Variants in ATP8B1 observed in about 807,000 individuals in gnomAD.
ATP8B1 encodes the protein ATPase phospholipid transporting 8B1.
Under a neutral mutation model 149.9 loss-of-function variants are expected in ATP8B1, and 80 were observed. The ratio of observed to expected loss-of-function variants is 0.53; its 90% CI spans 0.45 to 0.64. ATP8B1 has a LOEUF of 0.64. Among genes scored for constraint, ATP8B1 ranks in the 30% least tolerant of loss-of-function variants. ATP8B1 has a pLI of 0.00. For missense variants in ATP8B1, 1,247 were observed against 1,552.6 expected (o/e 0.80, Z 3.31); for synonymous variants, 536 against 562.8 (o/e 0.95, Z 0.67).
At chr18:57,728,822 C>T (rs979739057) in intron 2 of ATP8B1, among the ~76,000 whole-genome samples, 1 of 150,284 alleles carries the variant, frequency 6.7e-6, no homozygotes, top group African/African-American at 2.5e-5. Flanking sequence ...CAGGTTCAAG[C>T]GATTCTCCTG....
At chr18:57,675,995 T>TGCACCTGG (rs756344864) in intron 15 of ATP8B1, among the ~76,000 whole-genome samples, 35 of 152,286 alleles carry the variant, frequency 2.3e-4, no homozygotes, top group Non-Finnish European at 4.0e-4. Flanking sequence ...CATGAGCCAC[T>TGCACCTGG]GCCCCTGGGC....
At chr18:57,775,642 GTTTTTTTTT>G (rs35786009) in intron 1 of ATP8B1, among the ~76,000 whole-genome samples, 1 of 95,024 alleles carries the variant, frequency 1.1e-5, no homozygotes, top group African/African-American at 3.9e-5. Context: ...AACTGGCCAT[GTTTTTTTTT>G]TTTTTTTTTT....
chr18:57,765,048 T>C lies in ATP8B1; in HGVS notation c.-25-33216A>G, dbSNP rs77040341. 6.8e-3 allele frequency among the ~76,000 whole-genome samples: 1,037 copies of C among 152,338 alleles called. 7 individuals are homozygous for C. The highest frequency in any genetic ancestry group is 0.021 in the African/African-American group (886 of 41,570). On this transcript the variant is annotated intron_variant, in intron 1 of 27. Coordinates refer to ENST00000648908, the MANE Select transcript of ATP8B1 (RefSeq NM_001374385.1). ...AAAGAGGTAGAAACAATCCAAATGCTATCTGATAACTGGATACACAAAATG... is the reference window on the plus strand; with the variant it reads ...AAAGAGGTAGAAACAATCCAAATGCCATCTGATAACTGGATACACAAAATG...
intron 1 of ATP8B1, among the ~76,000 whole-genome samples, chr18:57,761,907 G>A (rs1002992900): frequency 5.1e-5 from 7 of 137,670 alleles, no homozygotes; most frequent in African/African-American, 1.1e-4. Context: ...CCGAGATTGC[G>A]CCACTGCACT....
In ATP8B1 at chr18:57,688,506, C is replaced by T. The variant is rs776511349; in HGVS notation, c.1222G>A (p.Val408Met). Residue 408 changes from valine to methionine, a missense_variant and splice_region_variant, in exon 13 of 28, where the codon GTG (valine) becomes ATG (methionine). Around this residue, in one of 3 missense-constraint regions of ATP8B1, gnomAD observed 853 missense variants for 1,035.7 expected, o/e 0.82. Transcript: ENST00000648908. ...CTCTGTCCAAGACGAATCACTTCCACGCTAGGAAGACAGAAGATTATTTTC... is the reference window on the plus strand; with the variant it reads ...CTCTGTCCAAGACGAATCACTTCCATGCTAGGAAGACAGAAGATTATTTTC... Reference protein sequence around the residue: ...TMVPISLYVSVEVIRLGQSHF... With the variant: ...TMVPISLYVSMEVIRLGQSHF... 9.3e-6 allele frequency: 15 copies of T among 1,613,926 alleles called. No homozygotes were observed. The highest frequency in any genetic ancestry group is 2.2e-5 in the East Asian group (1 of 44,894).
At chr18:57,679,738 C>T (rs567448444) in intron 15 of ATP8B1, among the ~76,000 whole-genome samples, 1 of 152,248 alleles carries the variant, frequency 6.6e-6, no homozygotes, top group East Asian at 1.9e-4. Flanking sequence ...AATCTCGGCT[C>T]ACAGCAACCT....
chr18:57,654,097 T>A (rs1377160727), intron 23 of ATP8B1, 22 bp from the exon 24 acceptor site: 1 of 1,589,602 alleles, frequency 6.3e-7, no homozygotes, highest in Admixed American at 1.7e-5. Flanking sequence ...TGACAGAGGC[T>A]CCATGTCACC....
intron 1 of ATP8B1, chr18:57,732,109 GTATATA>G: frequency 1.0e-5 from 1 of 98,616 alleles, no homozygotes; most frequent in East Asian, 2.5e-4. Context: ...ATATATATAT[GTATATA>G]TGTATATATA....
At chr18:57,665,047 C>T (rs1910769345) in intron 20 of ATP8B1, among the ~76,000 whole-genome samples, 1 of 151,986 alleles carries the variant, frequency 6.6e-6, no homozygotes, top group South Asian at 2.1e-4. Context: ...GCCAGGAGCA[C>T]TTCTCTGCAG....
At chr18:57,744,307 C>CAAAAAAAAAA (rs10680324) in intron 1 of ATP8B1, among the ~76,000 whole-genome samples, 1 of 97,882 alleles carries the variant, frequency 1.0e-5, no homozygotes, top group Non-Finnish European at 1.9e-5. Flanking sequence ...GAGACTGTCT[C>CAAAAAAAAAA]AAAAAAAAAA....
At chr18:57,758,368 C>G (rs193038542) in intron 1 of ATP8B1, among the ~76,000 whole-genome samples, 1 of 151,988 alleles carries the variant, frequency 6.6e-6, no homozygotes, top group Non-Finnish European at 1.5e-5. Flanking sequence ...AGGCCAGGCG[C>G]GGTGCCTCAC....
In ATP8B1 at chr18:57,704,601, A is replaced by C; in HGVS notation, c.347T>G (p.Phe116Cys). The stretch of plus-strand genomic sequence containing the variant: ...GAAATATAAATTGGCTGCTCTCTTA[A>C]ACTGCTCAAACAGATTCATTGGTAT... ...TFIPMNLFEQ[F>C]KRAANLYFLA... The change falls in exon 4 of 28, where the codon TTT (phenylalanine) becomes TGT (cysteine). Residue 116 changes from phenylalanine (F) to cysteine (C), a missense_variant. Transcript: ENST00000648908. 1 of 1,612,018 alleles carries C rather than the reference A, an allele frequency of 6.2e-7. No homozygotes were observed. Among genetic ancestry groups the C allele is most frequent in the Non-Finnish European group, 8.5e-7 (1 of 1,178,056 alleles).
At chr18:57,691,439 G>GAAAA (rs1912522696) in intron 12 of ATP8B1, among the ~76,000 whole-genome samples, 1 of 152,154 alleles carries the variant, frequency 6.6e-6, no homozygotes, top group Non-Finnish European at 1.5e-5. Context: ...TTCCAAAAGG[G>GAAAA]AAAACTAAGT....
At chr18:57,676,545 C>G (rs538174471) in intron 15 of ATP8B1, among the ~76,000 whole-genome samples, 29 of 151,420 alleles carry the variant, frequency 1.9e-4, no homozygotes, top group African/African-American at 6.8e-4. Context: ...CAGTGAAACT[C>G]TGTCTCTACT....
chr18:57,730,801 A>G (rs1437002460), intron 2 of ATP8B1, among the ~76,000 whole-genome samples: 3 of 8,568 alleles, frequency 3.5e-4, no homozygotes, highest in African/African-American at 9.7e-4. Flanking sequence ...CAGACCATAT[A>G]CATATATATA....
intron 2 of ATP8B1, among the ~76,000 whole-genome samples, chr18:57,713,810 A>G (rs1403285460): frequency 3.0e-5 from 2 of 67,398 alleles, no homozygotes; most frequent in Non-Finnish European, 6.4e-5. Flanking sequence ...TATTTTTAGT[A>G]GAGACAGGGT....
intron 21 of ATP8B1, among the ~76,000 whole-genome samples, chr18:57,661,941 A>G (rs1599082693): frequency 6.6e-6 from 1 of 151,986 alleles, no homozygotes; most frequent in Non-Finnish European, 1.5e-5. Context: ...GATGGTCTCC[A>G]TCTCCTGACC....
In ATP8B1 at chr18:57,692,057, C is replaced by G. The variant is rs184611871; in HGVS notation, c.1030-60G>C. 1.3e-5 allele frequency: 20 copies of G among 1,562,520 alleles called. No homozygotes were observed. The African/African-American group carries it at 1.9e-4, about 15-fold the overall frequency. ...GATGGATTTCCAACCTCTTGCATTT[C>G]CTAGATGCTAATTAACCTTACTCAA... On this transcript the variant is annotated intron_variant, in intron 11 of 27. Coordinates refer to ENST00000648908, the MANE Select transcript of ATP8B1 (RefSeq NM_001374385.1).
chr18:57,651,526 C>A (rs1909618166), intron 26 of ATP8B1, among the ~76,000 whole-genome samples: 1 of 152,196 alleles, frequency 6.6e-6, no homozygotes, highest in Non-Finnish European at 1.5e-5. Context: ...GTCTTCCTCC[C>A]ATCATGTTAT....
Sources: allele counts gnomAD v4.1 joint callset (sites outside exome capture counted in the v4.1 genomes callset), GRCh38; gene constraint gnomAD v4.1.1; regional missense constraint gnomAD v4.1.1; transcripts MANE v1.5; gene names NCBI Gene and HGNC (gene_info 2026-07-23, HGNC 2026-07-21).